Variants in ABTB3 observed in about 807,000 individuals in gnomAD.
ABTB3 encodes ankyrin repeat and BTB domain containing 3, also known as ankyrin repeat- and BTB/POZ domain-containing protein 3.
chr12:107,463,783 A>G, the ABTB3 span, among the ~76,000 whole-genome samples: 1 of 152,312 alleles, frequency 6.6e-6, no homozygotes, highest in East Asian at 1.9e-4. Context: ...TTCTACCCTC[A>G]TTCTGCAGAT....
chr12:107,427,619 C>G, the ABTB3 span, among the ~76,000 whole-genome samples: 1 of 152,182 alleles, frequency 6.6e-6, no homozygotes, highest in Non-Finnish European at 1.5e-5. Context: ...CTTCCCATCT[C>G]AAGATCCTGA....
chr12:107,559,614 A>G, the ABTB3 span, among the ~76,000 whole-genome samples: 19 of 152,338 alleles, frequency 1.2e-4, no homozygotes, highest in South Asian at 3.7e-3. Flanking sequence ...GCCAGCACGC[A>G]GCTGGTTTTC....
chr12:107,566,825 G>A, the ABTB3 span, among the ~76,000 whole-genome samples: 1 of 152,192 alleles, frequency 6.6e-6, no homozygotes, highest in Non-Finnish European at 1.5e-5. Flanking sequence ...GCCAGGGGCA[G>A]TGACTCACAT....
At chr12:107,341,695 G>A in the ABTB3 span, among the ~76,000 whole-genome samples, 4 of 152,170 alleles carry the variant, frequency 2.6e-5, no homozygotes, top group African/African-American at 9.7e-5. Flanking sequence ...AGCTGGTATA[G>A]TTTGAATATT....
the ABTB3 span, among the ~76,000 whole-genome samples, chr12:107,507,320 A>G: frequency 6.6e-6 from 1 of 152,140 alleles, no homozygotes; most frequent in Non-Finnish European, 1.5e-5. Flanking sequence ...ATGTCTGCCA[A>G]GCCAGAAGAG....
the ABTB3 span, among the ~76,000 whole-genome samples, chr12:107,599,958 C>T: frequency 2.6e-5 from 4 of 152,092 alleles, no homozygotes; most frequent in South Asian, 4.1e-4. Context: ...TTGAATTCTG[C>T]GGAATGGGCT....
At chr12:107,474,387 A>G in the ABTB3 span, among the ~76,000 whole-genome samples, 1,442 of 152,240 alleles carry the variant, frequency 9.5e-3, 36 homozygotes, top group African/African-American at 0.033. Flanking sequence ...GGAGCAGCAT[A>G]ATTTATAACA....
chr12:107,623,358 C>CGTT, the ABTB3 span, among the ~76,000 whole-genome samples: 1 of 69,624 alleles, frequency 1.4e-5, no homozygotes, highest in Non-Finnish European at 2.7e-5. Context: ...CACGCCTGGC[C>CGTT]TTTTTTTTTT....
chr12:107,442,652 T>C, the ABTB3 span, among the ~76,000 whole-genome samples: 1 of 152,192 alleles, frequency 6.6e-6, no homozygotes, highest in Non-Finnish European at 1.5e-5. Context: ...AAGGGACTTC[T>C]GAAAAGCTTA....
chr12:107,477,351 CAAAG>C, the ABTB3 span, among the ~76,000 whole-genome samples: 4 of 152,146 alleles, frequency 2.6e-5, no homozygotes, highest in African/African-American at 9.7e-5. Context: ...GTGAAAATGA[CAAAG>C]AAAGCTGTAT....
the ABTB3 span, among the ~76,000 whole-genome samples, chr12:107,488,566 C>A: frequency 6.6e-6 from 1 of 151,920 alleles, no homozygotes; most frequent in African/African-American, 2.4e-5. Flanking sequence ...TAAGCCATCA[C>A]TAAACACTTT....
At chr12:107,395,991 C>G in the ABTB3 span, among the ~76,000 whole-genome samples, 1 of 152,210 alleles carries the variant, frequency 6.6e-6, no homozygotes, top group Non-Finnish European at 1.5e-5. Context: ...AAGGTACAGA[C>G]CTGGCTGAGC....
the ABTB3 span, among the ~76,000 whole-genome samples, chr12:107,333,966 T>C: frequency 6.6e-6 from 1 of 152,168 alleles, no homozygotes; most frequent in East Asian, 1.9e-4. Context: ...ATTGATCATG[T>C]TGGTATCTGG....
the ABTB3 span, among the ~76,000 whole-genome samples, chr12:107,536,120 C>T: frequency 7.9e-5 from 12 of 151,916 alleles, no homozygotes; most frequent in Non-Finnish European, 1.6e-4. Flanking sequence ...AACAAAGGCA[C>T]CAAGAACATA....
At chr12:107,423,565 T>C in the ABTB3 span, among the ~76,000 whole-genome samples, 1 of 152,040 alleles carries the variant, frequency 6.6e-6, no homozygotes, top group South Asian at 2.1e-4. Flanking sequence ...GGTGGTGTGG[T>C]GTGTGGGGCC....
chr12:107,624,695 A>G, the ABTB3 span, among the ~76,000 whole-genome samples: 1 of 152,164 alleles, frequency 6.6e-6, no homozygotes, highest in Non-Finnish European at 1.5e-5. Flanking sequence ...GTAGTATTCC[A>G]TGGAATAGAT....
chr12:107,383,856 G>C, the ABTB3 span, among the ~76,000 whole-genome samples: 1 of 152,236 alleles, frequency 6.6e-6, no homozygotes, highest in Non-Finnish European at 1.5e-5. Context: ...ATTGCAGACA[G>C]TTCAGATAAT....
At chr12:107,557,936 G>A in the ABTB3 span, among the ~76,000 whole-genome samples, 1 of 152,188 alleles carries the variant, frequency 6.6e-6, no homozygotes, top group East Asian at 1.9e-4. Flanking sequence ...GACTCCGGGA[G>A]GCCTCACATG....
the ABTB3 span, among the ~76,000 whole-genome samples, chr12:107,431,692 T>C: frequency 1.3e-5 from 2 of 152,000 alleles, no homozygotes; most frequent in African/African-American, 2.4e-5. Context: ...GGGGGCAGCA[T>C]GTATGTTAAT....
Sources: allele counts gnomAD v4.1 joint callset (sites outside exome capture counted in the v4.1 genomes callset), GRCh38; gene constraint gnomAD v4.1.1; transcripts MANE v1.5; gene names NCBI Gene and HGNC (gene_info 2026-07-23, HGNC 2026-07-21).